The following MACROD2 variants were observed in gnomAD, a reference collection of about 807,000 sequenced individuals.
MACROD2 encodes the protein mono-ADP ribosylhydrolase 2.
MACROD2 carries 36 observed loss-of-function variants against 70.4 expected under a neutral mutation model. The ratio of observed to expected loss-of-function variants is 0.51; its 90% CI spans 0.39 to 0.68. MACROD2 has a LOEUF of 0.68. Ranked by LOEUF, MACROD2 falls within the 30% of genes least tolerant of loss-of-function variation. MACROD2 has a pLI of 0.00. For synonymous variants in MACROD2, 172 were observed against 178.8 expected, an observed-to-expected ratio of 0.96 and a Z score of 0.30; for missense variants, 496 against 538.4, an observed-to-expected ratio of 0.92 and a Z score of 0.78.
intron 5 of MACROD2, among the ~76,000 whole-genome samples, chr20:15,087,185 C>T (rs969099573): frequency 6.6e-6 from 1 of 151,878 alleles, no homozygotes; most frequent in Non-Finnish European, 1.5e-5. Flanking sequence ...GTATAGCTAT[C>T]GGGACTCTAT....
intron 5 of MACROD2, among the ~76,000 whole-genome samples, chr20:15,152,037 G>C (rs1313008034): frequency 3.3e-5 from 5 of 151,950 alleles, no homozygotes; most frequent in Non-Finnish European, 7.4e-5. Context: ...TGGGAACAGA[G>C]ACTAGGGAGG....
chr20:14,561,723 A>G (rs1410786885), intron 4 of MACROD2, among the ~76,000 whole-genome samples: 2 of 151,894 alleles, frequency 1.3e-5, no homozygotes, highest in African/African-American at 4.8e-5. Context: ...AAAATACTTC[A>G]TGTGAGTTAC....
chr20:14,265,613 T>A (rs2082137841), intron 3 of MACROD2, among the ~76,000 whole-genome samples: 1 of 152,160 alleles, frequency 6.6e-6, no homozygotes, highest in Admixed American at 6.5e-5. Flanking sequence ...TTTGTGTCAG[T>A]CCATACAACA....
At chr20:15,625,725 C>T (rs1236034013) in intron 8 of MACROD2, among the ~76,000 whole-genome samples, 1 of 152,008 alleles carries the variant, frequency 6.6e-6, no homozygotes, top group Admixed American at 6.6e-5. Flanking sequence ...AGTTAGAAAA[C>T]TTAGGCTGCA....
At chr20:14,547,466 A>G (rs2085504307) in intron 4 of MACROD2, 1 of 193,148 alleles carries the variant, frequency 5.2e-6, no homozygotes, top group Non-Finnish European at 1.2e-5. Context: ...GCTTCAGTCA[A>G]CTGAGCTGCA....
At chr20:14,141,833 T>C (rs2054879398) in intron 3 of MACROD2, among the ~76,000 whole-genome samples, 1 of 151,032 alleles carries the variant, frequency 6.6e-6, no homozygotes, top group Non-Finnish European at 1.5e-5. Flanking sequence ...AAGCACTCAG[T>C]ACCTTATAAC....
chr20:14,349,959 G>A (rs6042683), intron 3 of MACROD2, among the ~76,000 whole-genome samples: 3 of 151,606 alleles, frequency 2.0e-5, no homozygotes, highest in Non-Finnish European at 4.4e-5. Context: ...ATGTTGGTCA[G>A]GCTGGTCTCA....
chr20:14,467,183 C>T (rs1016140821), intron 3 of MACROD2, among the ~76,000 whole-genome samples: 5 of 152,128 alleles, frequency 3.3e-5, no homozygotes, highest in Non-Finnish European at 5.9e-5. Flanking sequence ...TGGGCTCCAC[C>T]CAGTTCGAGC....
intron 5 of MACROD2, among the ~76,000 whole-genome samples, chr20:15,004,174 T>G (rs900372980): frequency 1.3e-5 from 2 of 152,212 alleles, no homozygotes; most frequent in East Asian, 3.9e-4. Context: ...TCATGTCTAT[T>G]AAACTCTTTC....
chr20:14,524,834 C>T (rs1412149970), intron 4 of MACROD2, among the ~76,000 whole-genome samples: 2 of 152,168 alleles, frequency 1.3e-5, no homozygotes, highest in Non-Finnish European at 2.9e-5. Flanking sequence ...TGCGGAGTCT[C>T]AAATCAGAGC....
chr20:15,545,938 G>A lies in MACROD2; in HGVS notation c.645+46091G>A, dbSNP rs142115110. The stretch of plus-strand genomic sequence containing the variant: ...ATCTCCATCTAGTCTTTGACCACGC[G>A]TATTTGAACAGAATTCCAAATGGAA... On this transcript the variant is annotated intron_variant, in intron 8 of 17. Coordinates refer to ENST00000684519, the MANE Select transcript of MACROD2 (RefSeq NM_001351661.2). Among the ~76,000 whole-genome samples the A allele has an allele frequency of 3.5e-3, 529 of 152,256 alleles. 2 individuals carry two copies. Among genetic ancestry groups the A allele is most frequent in the African/African-American group, 0.011 (449 of 41,550 alleles).
chr20:15,202,358 C>T (rs1009799827), intron 5 of MACROD2, among the ~76,000 whole-genome samples: 10 of 152,086 alleles, frequency 6.6e-5, no homozygotes, highest in African/African-American at 1.9e-4. Flanking sequence ...ATGAGGTAGA[C>T]GTCCTTAAAT....
chr20:15,382,267 C>T (rs1033239238), intron 6 of MACROD2, among the ~76,000 whole-genome samples: 4 of 152,090 alleles, frequency 2.6e-5, no homozygotes, highest in African/African-American at 9.7e-5. Context: ...TGAAAGGCTC[C>T]TCAACTTTTC....
intron 8 of MACROD2, among the ~76,000 whole-genome samples, chr20:15,673,015 T>C (rs1265127088): frequency 6.6e-6 from 1 of 152,190 alleles, no homozygotes; most frequent in Admixed American, 6.5e-5. Context: ...CTGCCATGAT[T>C]GTGAGGCCTC....
intron 8 of MACROD2, among the ~76,000 whole-genome samples, chr20:15,735,316 G>A (rs2051003742): frequency 6.6e-6 from 1 of 152,064 alleles, no homozygotes; most frequent in African/African-American, 2.4e-5. Context: ...CACCACTAGT[G>A]GTTAATTTAT....
chr20:15,871,049 G>A (rs931465215), intron 9 of MACROD2, among the ~76,000 whole-genome samples: 6 of 151,490 alleles, frequency 4.0e-5, no homozygotes, highest in African/African-American at 7.3e-5. Flanking sequence ...GGTGATAGGC[G>A]CCTGTAGTCC....
At chr20:15,435,615 G>A (rs2046418303) in intron 7 of MACROD2, among the ~76,000 whole-genome samples, 1 of 152,088 alleles carries the variant, frequency 6.6e-6, no homozygotes, top group African/African-American at 2.4e-5. Context: ...TCCCATTGTG[G>A]TTTAAATTTG....
At chr20:14,054,973 T>A (rs16994313) in intron 2 of MACROD2, among the ~76,000 whole-genome samples, 1 of 152,200 alleles carries the variant, frequency 6.6e-6, no homozygotes, top group African/African-American at 2.4e-5. Context: ...TCTATATGGG[T>A]TAATTTTGTT....
At chr20:14,500,973 A>C (rs1428977590) in intron 4 of MACROD2, among the ~76,000 whole-genome samples, 1 of 151,978 alleles carries the variant, frequency 6.6e-6, no homozygotes, top group Non-Finnish European at 1.5e-5. Context: ...ATGTTTATAT[A>C]GTTCGGTTTT....
Sources: gnomAD v4.1 joint callset for allele counts (sites outside exome capture counted in the v4.1 genomes callset) on GRCh38, gnomAD v4.1.1 for gene constraint, MANE v1.5 for transcripts, NCBI Gene and HGNC (gene_info 2026-07-23, HGNC 2026-07-21) for gene names.